ASH2L: variants seen among roughly 807,000 people sequenced by gnomAD.
ASH2L encodes the protein set1/Ash2 histone methyltransferase complex subunit ASH2.
ASH2L carries 30 observed loss-of-function variants against 81.1 expected under a neutral mutation model. The ratio of observed to expected loss-of-function variants is 0.37; its 90% CI spans 0.28 to 0.50. ASH2L has a LOEUF of 0.50. Among genes scored for constraint, ASH2L ranks in the 20% least tolerant of loss-of-function variants. The pLI is 0.95. For missense variants in ASH2L, 559 were observed against 792.1 expected (o/e 0.71, Z 3.53); for synonymous variants, 273 against 279.9 (o/e 0.98, Z 0.24).
At chr8:38,107,644 C>G (rs1282049362) in intron 3 of ASH2L, among the ~76,000 whole-genome samples, 2 of 152,060 alleles carry the variant, frequency 1.3e-5, no homozygotes, top group Non-Finnish European at 2.9e-5. Context: ...AAACCTATTT[C>G]CAATCATGTA....
At chr8:38,123,473 A>T (rs538323277) in intron 10 of ASH2L, among the ~76,000 whole-genome samples, 53 of 152,352 alleles carry the variant, frequency 3.5e-4, no homozygotes, top group South Asian at 2.5e-3. Flanking sequence ...GACTTGCCGT[A>T]CTCAGTCCAA....
chr8:38,138,878 G>A lies in ASH2L; in HGVS notation c.1779+3G>A, dbSNP rs1417797108. On this transcript the variant is annotated splice_donor_region_variant and intron_variant, in intron 15 of 15. Transcript: ENST00000343823. ...CGAAGGATCTCACTTACCGCCCTGTGAGTAACATTACAAATGGCTGCATGT... is the reference window on the plus strand; with the variant it reads ...CGAAGGATCTCACTTACCGCCCTGTAAGTAACATTACAAATGGCTGCATGT... The A allele has an allele frequency of 6.2e-7, 1 of 1,613,946 alleles. No homozygotes were observed. Among genetic ancestry groups the A allele is most frequent in the Non-Finnish European group, 8.5e-7 (1 of 1,179,986 alleles).
intron 10 of ASH2L, among the ~76,000 whole-genome samples, chr8:38,121,949 C>T (rs1476338051): frequency 6.6e-6 from 1 of 152,176 alleles, no homozygotes; most frequent in East Asian, 1.9e-4. Context: ...TCTATCTATG[C>T]AAATATCTTG....
Position 38,128,873 on chromosome 8 carries a change from A to T in ASH2L, c.1449A>T (p.Gly483=). Residue 483 remains glycine, a synonymous_variant, in exon 12 of 16, where the codon GGA becomes GGT. Coordinates refer to ENST00000343823, the MANE Select transcript of ASH2L (RefSeq NM_004674.5). The stretch of plus-strand genomic sequence containing the variant: ...ACTACTCTTCTGGCTATGGACAGGG[A>T]GACGTCCTGGGATTTTATATTAATC... ...GKHYSSGYGQ[G]DVLGFYINLP... is the part of the protein sequence containing the mutation. 1 of 1,614,106 alleles carries T rather than the reference A, an allele frequency of 6.2e-7. No individual in the cohort carries two copies. The highest frequency in any genetic ancestry group is 1.1e-5 in the South Asian group (1 of 91,068).
chr8:38,123,654 T>G (rs1251161990), intron 10 of ASH2L, among the ~76,000 whole-genome samples: 1 of 152,204 alleles, frequency 6.6e-6, no homozygotes. Flanking sequence ...TTACTATGGT[T>G]CTGGGAGTCA....
At chr8:38,106,781 G>T (rs1810453087) in intron 2 of ASH2L, among the ~76,000 whole-genome samples, 1 of 151,628 alleles carries the variant, frequency 6.6e-6, no homozygotes, top group Non-Finnish European at 1.5e-5. Context: ...AGAGTGTTGG[G>T]ATTACAGGCG....
chr8:38,119,199 C>T lies in ASH2L; in HGVS notation c.854-71C>T. On this transcript the variant is annotated intron_variant, in intron 8 of 15. Transcript: ENST00000343823. ...AAATGCACATTGGGTGTGTTGGTCC[C>T]TATGGAATTTCAGTATCCACATGGT... The T allele has an allele frequency of 8.8e-6, 12 of 1,370,086 alleles. No homozygotes were observed. The South Asian group carries it at 1.3e-4, about 14-fold the overall frequency. The allele number at this position is 1,370,086 out of a possible 1,614,324, so 84.9% of individuals were successfully genotyped here.
At position 38,139,100 on chromosome 8, in the gene ASH2L, T is replaced by C; in HGVS notation, c.*29T>C. On this transcript the variant is annotated 3_prime_UTR_variant, in exon 16 of 16. Coordinates refer to ENST00000343823, the MANE Select transcript of ASH2L (RefSeq NM_004674.5). Reference sequence around the variant, plus strand: ...GGTCCCTCTTTTCTGTCAAGGACTTTCTGGGAATAATACTGGGGGTTTTGT... The same window carrying C: ...GGTCCCTCTTTTCTGTCAAGGACTTCCTGGGAATAATACTGGGGGTTTTGT... 2.0e-6 allele frequency: 3 copies of C among 1,511,102 alleles called. No homozygotes were observed. The highest frequency in any genetic ancestry group is 1.7e-4 in the Middle Eastern group (1 of 5,826). The allele number at this position is 1,511,102 out of a possible 1,614,324, so 93.6% of individuals were successfully genotyped here. A position where few individuals can be genotyped will look rare whatever the true frequency, so the allele number is the denominator to read the frequency against.
chr8:38,138,776 T>C, intron 14 of ASH2L, 40 bp from the exon 15 acceptor site: 12 of 1,588,994 alleles, frequency 7.6e-6, no homozygotes, highest in Non-Finnish European at 9.5e-6. Flanking sequence ...ATATTTTTTG[T>C]CCATTTTTTC....
At position 38,106,599 on chromosome 8, in the gene ASH2L, C is replaced by G. The variant is rs866991313; in HGVS notation, c.255+155C>G. ...CTCGGCTCACTGCAACCTCCTCCCC[C>G]CGGGTTCCAGCGATTCTCCTGCCTC... On this transcript the variant is annotated intron_variant, in intron 2 of 15. Coordinates refer to ENST00000343823, the MANE Select transcript of ASH2L (RefSeq NM_004674.5). 2.0e-4 allele frequency among the ~76,000 whole-genome samples: 31 copies of G among 151,688 alleles called. No homozygotes were observed. In the Middle Eastern group the frequency reaches 0.014, roughly 67 times the overall value.
chr8:38,113,547 G>A (rs1254012437), intron 5 of ASH2L, among the ~76,000 whole-genome samples: 7 of 152,152 alleles, frequency 4.6e-5, no homozygotes, highest in African/African-American at 1.7e-4. Flanking sequence ...TTTCAGTCAT[G>A]CAAGCAGGAG....
In ASH2L at chr8:38,139,188, A is replaced by AACTT; in HGVS notation, c.*117_*118insACTT. 2 of 848,236 alleles carry AACTT rather than the reference A, an allele frequency of 2.4e-6. No individual in the cohort carries two copies. Among genetic ancestry groups the AACTT allele is most frequent in the Non-Finnish European group, 3.6e-6 (2 of 563,260 alleles). 52.5% of individuals were successfully genotyped at this position (848,236 alleles called of 1,614,324 possible). On this transcript the variant is annotated 3_prime_UTR_variant, in exon 16 of 16. Coordinates refer to ENST00000343823, the MANE Select transcript of ASH2L (RefSeq NM_004674.5). ...TGCTAAAAACACAGCCTCTCCTTTT[A>AACTT]GCAAGTTAAAAGGCTGGGTAGGACT...
chr8:38,115,019 C>A lies in ASH2L; in HGVS notation c.777+19C>A. On this transcript the variant is annotated intron_variant, in intron 7 of 15. Transcript: ENST00000343823. ...GGATCAGGTACATTAATATGTTTTACATTTTCTTTTTGATTTTAAGCCACT... is the reference window on the plus strand; with the variant it reads ...GGATCAGGTACATTAATATGTTTTAAATTTTCTTTTTGATTTTAAGCCACT... 6.6e-7 allele frequency: 1 copy of A among 1,524,682 alleles called. No individual in the cohort carries two copies. The highest frequency in any genetic ancestry group is 9.1e-7 in the Non-Finnish European group (1 of 1,099,602). The allele number at this position is 1,524,682 out of a possible 1,614,324, so 94.4% of individuals were successfully genotyped here.
At position 38,139,805 on chromosome 8, in the gene ASH2L, G is replaced by C. The variant is rs1456978803; in HGVS notation, c.*734G>C. ...AGCTGGCACTGGGAGGAAGAGCCGG[G>C]TTTCTGAGTTGTGTTTTGGCTGCTT... On this transcript the variant is annotated 3_prime_UTR_variant, in exon 16 of 16. Transcript: ENST00000343823. 6.6e-6 allele frequency: 1 copy of C among 152,138 alleles called. No individual in the cohort carries two copies. Among genetic ancestry groups the C allele is most frequent in the African/African-American group, 2.4e-5 (1 of 41,430 alleles). 9.4% of individuals were successfully genotyped at this position (152,138 alleles called of 1,614,324 possible).
At chr8:38,106,699 C>T (rs964579516) in intron 2 of ASH2L, among the ~76,000 whole-genome samples, 14 of 151,822 alleles carry the variant, frequency 9.2e-5, no homozygotes, top group African/African-American at 3.4e-4. Flanking sequence ...TTAGTAGAGA[C>T]GGGGTTTCAC....
chr8:38,112,663 G>C (rs2130489211), intron 5 of ASH2L, among the ~76,000 whole-genome samples: 1 of 152,260 alleles, frequency 6.6e-6, no homozygotes, highest in South Asian at 2.1e-4. Context: ...TTTATTATTA[G>C]TGATCCTAAA....
chr8:38,139,177 C>A lies in ASH2L; in HGVS notation c.*106C>A, dbSNP rs906157098. The A allele has an allele frequency of 2.2e-6, 2 of 919,732 alleles. No individual in the cohort carries two copies. The highest frequency in any genetic ancestry group is 3.3e-5 in the African/African-American group (2 of 59,844). 57.0% of individuals were successfully genotyped at this position (919,732 alleles called of 1,614,324 possible). ...TCTCCCAAAGATGCTAAAAACACAG[C>A]CTCTCCTTTTAGCAAGTTAAAAGGC... On this transcript the variant is annotated 3_prime_UTR_variant, in exon 16 of 16. Coordinates refer to ENST00000343823, the MANE Select transcript of ASH2L (RefSeq NM_004674.5).
intron 7 of ASH2L, among the ~76,000 whole-genome samples, chr8:38,116,377 A>T (rs993698513): frequency 4.0e-5 from 6 of 151,832 alleles, no homozygotes; most frequent in African/African-American, 1.5e-4. Context: ...AAAAAAAATA[A>T]TAATAATTAG....
chr8:38,134,641 A>G (rs2130580480), intron 13 of ASH2L, among the ~76,000 whole-genome samples: 1 of 152,348 alleles, frequency 6.6e-6, no homozygotes, highest in South Asian at 2.1e-4. Context: ...GTAGAGGAAG[A>G]AAGTTAAGCT....
Sources: allele counts gnomAD v4.1 joint callset (sites outside exome capture counted in the v4.1 genomes callset), GRCh38; gene constraint gnomAD v4.1.1; transcripts MANE v1.5; gene names NCBI Gene and HGNC (gene_info 2026-07-23, HGNC 2026-07-21).